Variants in RBMS1 observed in about 807,000 individuals in gnomAD.
The protein encoded by RBMS1 is RNA binding motif single stranded interacting protein 1, also known as RNA-binding motif, single-stranded-interacting protein 1.
RBMS1 carries 17 observed loss-of-function variants against 62.3 expected under a neutral mutation model. The ratio of observed to expected loss-of-function variants is 0.27; its 90% confidence interval spans 0.19 to 0.41. The LOEUF (loss-of-function observed/expected upper bound fraction) is 0.41, where lower values mean the gene tolerates loss of function less well. RBMS1 is among the 10% of genes least tolerant of loss of function. The probability of loss-of-function intolerance (pLI) is 1.00; values close to 1 mark genes in which losing one functional copy is unlikely to be tolerated. For missense variants in RBMS1, 334 were observed against 504.5 expected, an observed-to-expected ratio of 0.66 and a Z score of 3.24; for synonymous variants, 172 against 170.0, an observed-to-expected ratio of 1.01 and a Z score of -0.09.
intron 1 of RBMS1, among the ~76,000 whole-genome samples, chr2:160,393,118 AG>A (rs1421067967): frequency 6.6e-6 from 1 of 152,174 alleles, no homozygotes; most frequent in Non-Finnish European, 1.5e-5. Flanking sequence ...AGTCAGTTAA[AG>A]GGTAGACTAA....
chr2:160,469,694 G>GT (rs1489221517), intron 1 of RBMS1, among the ~76,000 whole-genome samples: 1 of 152,130 alleles, frequency 6.6e-6, no homozygotes, highest in Non-Finnish European at 1.5e-5. Flanking sequence ...TCAAACAAGC[G>GT]TATCAACGCA....
intron 1 of RBMS1, among the ~76,000 whole-genome samples, chr2:160,434,712 AC>A (rs1683045079): frequency 1.3e-5 from 2 of 152,222 alleles, no homozygotes; most frequent in African/African-American, 4.8e-5. Context: ...ATTAGACAGC[AC>A]AGGCTTATAA....
At chr2:160,483,162 A>G (rs1685439913) in intron 1 of RBMS1, among the ~76,000 whole-genome samples, 1 of 152,122 alleles carries the variant, frequency 6.6e-6, no homozygotes, top group African/African-American at 2.4e-5. Context: ...ACCAAATAAG[A>G]AACACATCTT....
intron 2 of RBMS1, among the ~76,000 whole-genome samples, chr2:160,350,201 T>TC (rs1488962310): frequency 6.6e-6 from 1 of 151,912 alleles, no homozygotes; most frequent in Non-Finnish European, 1.5e-5. Context: ...GCAGCAGCAC[T>TC]CCGAGGACCC....
chr2:160,426,114 G>C (rs893551313), intron 1 of RBMS1, among the ~76,000 whole-genome samples: 3 of 151,866 alleles, frequency 2.0e-5, no homozygotes, highest in African/African-American at 7.3e-5. Context: ...AAAATCTGCA[G>C]TCCTTGCACT....
intron 2 of RBMS1, among the ~76,000 whole-genome samples, chr2:160,320,423 T>C (rs1574276069): frequency 6.6e-6 from 1 of 152,116 alleles, no homozygotes; most frequent in African/African-American, 2.4e-5. Flanking sequence ...CAGTGAGCCA[T>C]GATCTCGTCA....
rs185637102 is a variant in RBMS1, at chr2:160,320,018, G to C, written c.252-1791C>G. On this transcript the variant is annotated intron_variant, in intron 2 of 13. Transcript: ENST00000348849. ...TAACAATATTAACACAGATCACTAG[G>C]CTTACAAAGAAATAATCTATAAAAA... is the stretch of plus-strand genomic sequence containing the variant. Among the ~76,000 whole-genome samples, 3 of 152,258 alleles carry C rather than the reference G, an allele frequency of 2.0e-5. No homozygotes were observed. In the East Asian group the frequency reaches 5.8e-4, roughly 29 times the overall value.
intron 4 of RBMS1, among the ~76,000 whole-genome samples, chr2:160,308,580 T>C (rs1318790698): frequency 6.6e-6 from 1 of 152,102 alleles, no homozygotes; most frequent in Non-Finnish European, 1.5e-5. Context: ...ACTATAATGA[T>C]ATCATAAAAA....
intron 5 of RBMS1, 109 bp from the exon 6 acceptor site, chr2:160,300,839 C>G: frequency 8.2e-7 from 1 of 1,224,542 alleles, no homozygotes; most frequent in Non-Finnish European, 1.1e-6. Flanking sequence ...TAAATGAAAC[C>G]TAGTAAAAAT....
At chr2:160,475,349 G>C (rs1253611659) in intron 1 of RBMS1, among the ~76,000 whole-genome samples, 2 of 152,090 alleles carry the variant, frequency 1.3e-5, no homozygotes, top group Non-Finnish European at 2.9e-5. Flanking sequence ...CTTCCTATTG[G>C]TTCCAATTGG....
intron 7 of RBMS1, among the ~76,000 whole-genome samples, chr2:160,286,275 G>A (rs1268474194): frequency 1.4e-5 from 2 of 143,814 alleles, no homozygotes; most frequent in Non-Finnish European, 3.1e-5. Context: ...ACTCCAGCCT[G>A]GGCAACAGAG....
At chr2:160,294,464 G>A (rs879930716) in intron 6 of RBMS1, among the ~76,000 whole-genome samples, 2 of 152,198 alleles carry the variant, frequency 1.3e-5, no homozygotes, top group Non-Finnish European at 2.9e-5. Flanking sequence ...GAAAGAATAT[G>A]GTGGCAGGAG....
At chr2:160,402,278 G>T (rs917465121) in intron 1 of RBMS1, among the ~76,000 whole-genome samples, 8 of 152,236 alleles carry the variant, frequency 5.3e-5, no homozygotes, top group African/African-American at 1.9e-4. Flanking sequence ...GCAGGCGGAA[G>T]CATGGACCAA....
At chr2:160,453,694 A>G (rs1194192069) in intron 1 of RBMS1, among the ~76,000 whole-genome samples, 1 of 152,098 alleles carries the variant, frequency 6.6e-6, no homozygotes, top group African/African-American at 2.4e-5. Context: ...TTCATGGCCT[A>G]CAAAATAACA....
chr2:160,366,195 G>A (rs1157696501), intron 2 of RBMS1, among the ~76,000 whole-genome samples: 2 of 152,122 alleles, frequency 1.3e-5, no homozygotes, highest in Non-Finnish European at 2.9e-5. Context: ...CCCATGGAAG[G>A]CCAGATGTTA....
intron 1 of RBMS1, among the ~76,000 whole-genome samples, chr2:160,379,474 T>C (rs1180871181): frequency 1.3e-5 from 2 of 152,204 alleles, no homozygotes; most frequent in Non-Finnish European, 2.9e-5. Context: ...GGTGATGGTA[T>C]CAACCTGGGA....
At chr2:160,459,581 T>C (rs915876031) in intron 1 of RBMS1, among the ~76,000 whole-genome samples, 14 of 152,222 alleles carry the variant, frequency 9.2e-5, no homozygotes, top group African/African-American at 2.9e-4. Context: ...TTCCTCTTTC[T>C]CCTCCACATT....
chr2:160,399,616 A>G (rs1207033280), intron 1 of RBMS1, among the ~76,000 whole-genome samples: 1 of 152,190 alleles, frequency 6.6e-6, no homozygotes, highest in Admixed American at 6.5e-5. Flanking sequence ...TTTAAACAAA[A>G]GAACTATTCA....
intron 1 of RBMS1, among the ~76,000 whole-genome samples, chr2:160,448,785 C>T (rs1450248414): frequency 2.6e-5 from 4 of 151,736 alleles, no homozygotes; most frequent in Non-Finnish European, 5.9e-5. Context: ...CCCCTCTGCC[C>T]AGCCACCCAG....
Sources: allele counts gnomAD v4.1 joint callset (sites outside exome capture counted in the v4.1 genomes callset), GRCh38; gene constraint gnomAD v4.1.1; transcripts MANE v1.5; gene names NCBI Gene and HGNC (gene_info 2026-07-23, HGNC 2026-07-21).